The following CLYBL variants were observed in gnomAD, a reference collection of about 807,000 sequenced individuals.
The protein encoded by CLYBL is citramalyl-CoA lyase, mitochondrial.
A neutral mutation model predicts 38.9 loss-of-function variants in CLYBL; 31 were observed. The observed-to-expected ratio is 0.80, with a 90% CI of 0.60 to 1.08. CLYBL has a LOEUF of 1.08. CLYBL is among the 50% of genes least tolerant of loss of function. The pLI is 0.00. For missense variants in CLYBL, 434 were observed against 411.6 expected, an observed-to-expected ratio of 1.05 and a Z score of -0.47; for synonymous variants, 171 against 158.6, an observed-to-expected ratio of 1.08 and a Z score of -0.59.
At chr13:99,708,752 A>T (rs2048183165) in intron 1 of CLYBL, among the ~76,000 whole-genome samples, 1 of 152,128 alleles carries the variant, frequency 6.6e-6, no homozygotes, top group Non-Finnish European at 1.5e-5. Context: ...AGGTACTCAG[A>T]ATGTGATTGT....
At chr13:99,753,483 T>TA (rs2048994921) in intron 1 of CLYBL, among the ~76,000 whole-genome samples, 1 of 152,138 alleles carries the variant, frequency 6.6e-6, no homozygotes, top group Non-Finnish European at 1.5e-5. Context: ...CCATGTATGT[T>TA]AGCTCTCCAG....
chr13:99,765,970 G>T (rs1025979300), intron 1 of CLYBL, among the ~76,000 whole-genome samples: 4 of 151,230 alleles, frequency 2.6e-5, no homozygotes, highest in Admixed American at 6.6e-5. Context: ...TCCCACCTCA[G>T]CCTCCTGCAT....
intron 2 of CLYBL, among the ~76,000 whole-genome samples, chr13:99,856,328 T>A (rs1018949999): frequency 2.6e-5 from 4 of 152,200 alleles, no homozygotes; most frequent in Non-Finnish European, 5.9e-5. Context: ...GGATCCTGCG[T>A]TCTTGAGCAC....
chr13:99,795,866 C>T (rs1365710862), intron 2 of CLYBL, among the ~76,000 whole-genome samples: 1 of 152,134 alleles, frequency 6.6e-6, no homozygotes, highest in African/African-American at 2.4e-5. Flanking sequence ...TTCTGCTGAG[C>T]ATTTCATCTA....
At chr13:99,884,564 A>T (rs957966253) in intron 7 of CLYBL, among the ~76,000 whole-genome samples, 3 of 152,208 alleles carry the variant, frequency 2.0e-5, no homozygotes, top group Non-Finnish European at 4.4e-5. Flanking sequence ...TCTAGTTCTT[A>T]AGTAATAGTC....
intron 1 of CLYBL, among the ~76,000 whole-genome samples, chr13:99,764,051 A>AT (rs2049219076): frequency 6.6e-6 from 1 of 150,892 alleles, no homozygotes; most frequent in African/African-American, 2.4e-5. Context: ...AAAAAAAAAA[A>AT]TTTTTTTTTG....
At chr13:99,667,807 A>G (rs1191306063) in intron 1 of CLYBL, among the ~76,000 whole-genome samples, 1 of 152,230 alleles carries the variant, frequency 6.6e-6, no homozygotes, top group Admixed American at 6.5e-5. Context: ...AAAAACAAAA[A>G]TCTTTCTACT....
chr13:99,691,930 C>T (rs2047908992), intron 1 of CLYBL, among the ~76,000 whole-genome samples: 1 of 152,190 alleles, frequency 6.6e-6, no homozygotes, highest in Non-Finnish European at 1.5e-5. Flanking sequence ...TCTTGAAAGC[C>T]ATGTTGCACG....
At chr13:99,728,211 GC>G (rs1428871511) in intron 1 of CLYBL, among the ~76,000 whole-genome samples, 5 of 151,818 alleles carry the variant, frequency 3.3e-5, no homozygotes, top group Non-Finnish European at 7.4e-5. Flanking sequence ...CACCATACTG[GC>G]CCCCTCCCCC....
intron 1 of CLYBL, among the ~76,000 whole-genome samples, chr13:99,677,489 T>C (rs1338761631): frequency 6.6e-6 from 1 of 151,834 alleles, no homozygotes; most frequent in African/African-American, 2.4e-5. Context: ...TCTGTGTCTG[T>C]GTGTGTTTTA....
intron 1 of CLYBL, among the ~76,000 whole-genome samples, chr13:99,620,511 T>C (rs1331036505): frequency 6.6e-6 from 1 of 152,226 alleles, no homozygotes; most frequent in East Asian, 1.9e-4. Flanking sequence ...GCATGGTGGC[T>C]CATGCCTGTA....
exon 10 of CLYBL, among the ~76,000 whole-genome samples, chr13:99,908,581 T>C (rs2052720480): frequency 6.6e-6 from 1 of 152,084 alleles, no homozygotes; most frequent in Admixed American, 6.6e-5. Context: ...TTAGGTAAGG[T>C]AAAATAGGAA....
At chr13:99,759,267 G>A (rs762977742) in intron 1 of CLYBL, among the ~76,000 whole-genome samples, 2 of 152,208 alleles carry the variant, frequency 1.3e-5, no homozygotes, top group Non-Finnish European at 2.9e-5. Context: ...TCAAGTTTAA[G>A]GAAGCCCTAA....
chr13:99,633,233 A>G (rs9585155), intron 1 of CLYBL, among the ~76,000 whole-genome samples: 2 of 147,414 alleles, frequency 1.4e-5, no homozygotes, highest in South Asian at 2.1e-4. Flanking sequence ...AAAAAAAAAA[A>G]AAGAGAAGAG....
chr13:99,829,162 C>A (rs1026375306), intron 2 of CLYBL, among the ~76,000 whole-genome samples: 1 of 152,196 alleles, frequency 6.6e-6, no homozygotes, highest in African/African-American at 2.4e-5. Flanking sequence ...TGTCACAGGA[C>A]AGAGATTTGA....
In CLYBL at chr13:99,763,184, G is replaced by T. The variant is rs574276254; in HGVS notation, c.63-9640G>T. Among the ~76,000 whole-genome samples, 4 of 152,126 alleles carry T rather than the reference G, an allele frequency of 2.6e-5. No homozygotes were observed. The South Asian group carries it at 8.3e-4, about 32-fold the overall frequency. On this transcript the variant is annotated intron_variant, in intron 1 of 8. Transcript: ENST00000339105. ...TTTTTTCTCTTGCCTAATTGCTCTG[G>T]TCAGGATCTTCTAGTATTATATTAA...
At chr13:99,840,985 G>C (rs533266386) in intron 2 of CLYBL, among the ~76,000 whole-genome samples, 2 of 152,122 alleles carry the variant, frequency 1.3e-5, no homozygotes, top group East Asian at 3.9e-4. Context: ...GGAAGAAATG[G>C]AATGTGGTCA....
At position 99,654,066 on chromosome 13, in the gene CLYBL, C is replaced by T. The variant is rs558218955; in HGVS notation, c.62+47309C>T. 1.8e-4 allele frequency among the ~76,000 whole-genome samples: 27 copies of T among 152,274 alleles called. No individual in the cohort carries two copies. In the South Asian group the frequency reaches 5.2e-3, roughly 29 times the overall value. The stretch of plus-strand genomic sequence containing the variant: ...CTCAGCACATGGCACACATCTTCCC[C>T]AAGGCGGCTGCTTGGTTTGCTCCCA... On this transcript the variant is annotated intron_variant, in intron 1 of 8. Transcript: ENST00000339105.
At chr13:99,889,114 G>GT (rs2052423190) in intron 7 of CLYBL, among the ~76,000 whole-genome samples, 1 of 152,206 alleles carries the variant, frequency 6.6e-6, no homozygotes. Flanking sequence ...TACATGAAGT[G>GT]TTTTTTATCT....
Sources: allele counts gnomAD v4.1 joint callset (sites outside exome capture counted in the v4.1 genomes callset), GRCh38; gene constraint gnomAD v4.1.1; transcripts MANE v1.5; gene names NCBI Gene and HGNC (gene_info 2026-07-23, HGNC 2026-07-21).